Variants in ASB3 observed in about 807,000 individuals in gnomAD.
The protein encoded by ASB3 is ankyrin repeat and SOCS box protein 3.
A neutral mutation model predicts 54.5 loss-of-function variants in ASB3; 41 were observed. The observed-to-expected ratio is 0.75, with a 90% CI of 0.59 to 0.98. ASB3 has a LOEUF of 0.98. Among genes scored for constraint, ASB3 ranks in the 50% least tolerant of loss-of-function variants. The pLI, the probability that ASB3 is intolerant of heterozygous loss-of-function variation, is 0.00. For missense variants in ASB3, 733 were observed against 620.0 expected, an observed-to-expected ratio of 1.18 and a Z score of -1.94; for synonymous variants, 266 against 221.2, an observed-to-expected ratio of 1.20 and a Z score of -1.80.
intron 1 of ASB3, chr2:53,772,065 C>G: frequency 3.2e-6 from 2 of 623,662 alleles, no homozygotes; most frequent in Non-Finnish European, 2.7e-6. Flanking sequence ...GAATTCTTCT[C>G]TGTATTTGTG....
chr2:53,730,739 T>C lies in ASB3; in HGVS notation c.356-1169A>G, dbSNP rs1354110481. ...TTTTACTTTTTAATACCAGCCATTC[T>C]TACTGCTGTGAGATGGTATCTCATC... On this transcript the variant is annotated intron_variant, in intron 3 of 9. Coordinates refer to ENST00000263634, the MANE Select transcript of ASB3 (RefSeq NM_016115.5). Among the ~76,000 whole-genome samples, 5 of 152,258 alleles carry C rather than the reference T, an allele frequency of 3.3e-5. No homozygotes were observed. The East Asian group carries it at 9.6e-4, about 29-fold the overall frequency.
intron 3 of ASB3, among the ~76,000 whole-genome samples, chr2:53,740,773 G>A (rs1330561192): frequency 6.6e-6 from 1 of 152,064 alleles, no homozygotes; most frequent in Non-Finnish European, 1.5e-5. Flanking sequence ...AACAGACAGG[G>A]AGAAGTCTAA....
In ASB3 at chr2:53,716,528, T is replaced by G. The variant is rs376391205; in HGVS notation, c.782+38A>C. ...AGATTTATTCTTTATTAGCTTTTGA[T>G]TAAGAGACCATGTTTATTTTCTGTT... On this transcript the variant is annotated intron_variant, in intron 6 of 9. Coordinates refer to ENST00000263634, the MANE Select transcript of ASB3 (RefSeq NM_016115.5). 142 of 1,593,638 alleles carry G rather than the reference T, an allele frequency of 8.9e-5. No homozygotes were observed. The Middle Eastern group carries it at 2.8e-3, about 31-fold the overall frequency.
chr2:53,784,070 G>A (rs1674800661), intron 1 of ASB3, among the ~76,000 whole-genome samples: 2 of 152,204 alleles, frequency 1.3e-5, no homozygotes, highest in African/African-American at 2.4e-5. Context: ...TTATTAGGAA[G>A]CTAATAGGAT....
intron 3 of ASB3, among the ~76,000 whole-genome samples, chr2:53,736,332 G>A (rs1448954053): frequency 6.6e-6 from 1 of 152,134 alleles, no homozygotes; most frequent in Non-Finnish European, 1.5e-5. Flanking sequence ...ATGAAACACA[G>A]AGTAAGTATC....
In ASB3 at chr2:53,694,028, A is replaced by G. The variant is rs769374219; in HGVS notation, c.1239-14T>C. On this transcript the variant is annotated splice_polypyrimidine_tract_variant and intron_variant, in intron 8 of 9. Coordinates refer to ENST00000263634, the MANE Select transcript of ASB3 (RefSeq NM_016115.5). Reference sequence around the variant, plus strand: ...ACTGAGTCAATCCTATGTTAGCAAGATGTTAATATAATATTAGAAACAAAA... The same window carrying G: ...ACTGAGTCAATCCTATGTTAGCAAGGTGTTAATATAATATTAGAAACAAAA... The G allele has an allele frequency of 1.2e-6, 2 of 1,611,812 alleles. No homozygotes were observed. The highest frequency in any genetic ancestry group is 1.7e-6 in the Non-Finnish European group (2 of 1,178,600).
At chr2:53,754,288 G>T (rs1672694246) in intron 2 of ASB3, among the ~76,000 whole-genome samples, 2 of 152,170 alleles carry the variant, frequency 1.3e-5, no homozygotes, top group South Asian at 4.1e-4. Flanking sequence ...CTCCCATGTA[G>T]AAGAATTCCA....
At chr2:53,754,937 T>A (rs1458069844) in intron 2 of ASB3, among the ~76,000 whole-genome samples, 1 of 152,218 alleles carries the variant, frequency 6.6e-6, no homozygotes, top group East Asian at 1.9e-4. Context: ...AGGGATCTTA[T>A]CTACCTTGTA....
intron 9 of ASB3, among the ~76,000 whole-genome samples, chr2:53,673,641 T>C (rs1008083275): frequency 6.6e-6 from 1 of 152,234 alleles, no homozygotes; most frequent in African/African-American, 2.4e-5. Context: ...ACATAGCTGT[T>C]GTTAACTAGA....
At chr2:53,716,004 T>C (rs1267815765) in intron 6 of ASB3, among the ~76,000 whole-genome samples, 1 of 152,174 alleles carries the variant, frequency 6.6e-6, no homozygotes, top group Non-Finnish European at 1.5e-5. Context: ...CTAAAAATCA[T>C]TGACTGCCAA....
intron 3 of ASB3, among the ~76,000 whole-genome samples, chr2:53,733,679 T>C (rs1360286548): frequency 1.3e-5 from 2 of 152,112 alleles, no homozygotes; most frequent in Non-Finnish European, 2.9e-5. Context: ...TGACCTCATA[T>C]AATCCGCCCA....
At chr2:53,742,432 C>T (rs3770395) in intron 3 of ASB3, among the ~76,000 whole-genome samples, 14,939 of 151,784 alleles carry the variant, frequency 0.098, 857 homozygotes, top group East Asian at 0.15. Context: ...AACAATAGAC[C>T]AACAACAAAA....
intron 1 of ASB3, 86 bp from the exon 2 acceptor site, chr2:53,765,671 T>C: frequency 6.7e-7 from 1 of 1,498,240 alleles, no homozygotes; most frequent in Non-Finnish European, 9.1e-7. Context: ...TGGGCCTGTC[T>C]AGTATCTCTC....
chr2:53,724,861 T>C (rs963087296), intron 5 of ASB3, among the ~76,000 whole-genome samples: 2 of 152,174 alleles, frequency 1.3e-5, no homozygotes, highest in East Asian at 3.8e-4. Context: ...TCAGCCACAG[T>C]GGAAAGCAGT....
intron 7 of ASB3, among the ~76,000 whole-genome samples, chr2:53,704,378 G>C (rs535610631): frequency 2.0e-3 from 304 of 148,482 alleles, no homozygotes; most frequent in Non-Finnish European, 3.5e-3. Flanking sequence ...AAAAAAAAAG[G>C]GAAAAAATAA....
At chr2:53,679,454 T>C (rs1668249074) in intron 9 of ASB3, among the ~76,000 whole-genome samples, 1 of 152,120 alleles carries the variant, frequency 6.6e-6, no homozygotes, top group Admixed American at 6.6e-5. Context: ...AGCTACAAAT[T>C]TATCTCTGTC....
intron 3 of ASB3, among the ~76,000 whole-genome samples, chr2:53,733,473 ACT>A (rs1422750437): frequency 6.9e-6 from 1 of 145,468 alleles, no homozygotes; most frequent in East Asian, 2.0e-4. Context: ...ATGGATTCTC[ACT>A]CTGTCGCCCA....
At chr2:53,780,457 G>A (rs1206954090) in intron 1 of ASB3, among the ~76,000 whole-genome samples, 1 of 152,022 alleles carries the variant, frequency 6.6e-6, no homozygotes, top group Admixed American at 6.6e-5. Context: ...ACAAATCTAT[G>A]TTATTTAATA....
At chr2:53,759,518 C>G (rs1375641638) in intron 2 of ASB3, among the ~76,000 whole-genome samples, 1 of 152,102 alleles carries the variant, frequency 6.6e-6, no homozygotes, top group Non-Finnish European at 1.5e-5. Context: ...CCCTACTGAA[C>G]TTGGCAACCT....
Sources: gnomAD v4.1 joint callset for allele counts (sites outside exome capture counted in the v4.1 genomes callset) on GRCh38, gnomAD v4.1.1 for gene constraint, MANE v1.5 for transcripts, NCBI Gene and HGNC (gene_info 2026-07-23, HGNC 2026-07-21) for gene names.